ITGB5: variants seen among roughly 807,000 people sequenced by gnomAD.
ITGB5 encodes integrin subunit beta 5.
ITGB5 carries 38 observed loss-of-function variants against 84.8 expected under a neutral mutation model. That is an observed-to-expected ratio of 0.45 (90% CI 0.35 to 0.59). ITGB5 has a LOEUF of 0.59. Ranked by LOEUF, ITGB5 falls within the 20% of genes least tolerant of loss-of-function variation. The probability of loss-of-function intolerance (pLI) is 0.01; values close to 1 mark genes in which losing one functional copy is unlikely to be tolerated. For missense variants in ITGB5, 905 were observed against 1,034.5 expected (o/e 0.87, Z 1.72); for synonymous variants, 393 against 414.4 (o/e 0.95, Z 0.63).
chr3:124,889,294 T>C (rs1350729670), upstream of ITGB5, among the ~76,000 whole-genome samples: 1 of 152,244 alleles, frequency 6.6e-6, no homozygotes, highest in African/African-American at 2.4e-5. Context: ...AGTGGAAGGC[T>C]GATCAAGGAC....
At chr3:124,863,425 C>T (rs1214930851) in intron 2 of ITGB5, 1 of 152,182 alleles carries the variant, frequency 6.6e-6, no homozygotes, top group Non-Finnish European at 1.5e-5. Flanking sequence ...TCTTGTTGCC[C>T]AAGAAAAGGA....
intron 1 of ITGB5, among the ~76,000 whole-genome samples, chr3:124,883,918 G>A (rs1013077449): frequency 7.9e-5 from 12 of 152,206 alleles, no homozygotes; most frequent in South Asian, 4.1e-4. Flanking sequence ...TGGTGGGGAC[G>A]GGAGGGGGTT....
chr3:124,769,188 A>G (rs1579167589), intron 11 of ITGB5, 75 bp from the exon 12 acceptor site: 1 of 1,171,102 alleles, frequency 8.5e-7, no homozygotes, highest in Non-Finnish European at 1.3e-6. Flanking sequence ...AGCTCCTGAC[A>G]GTGCAGGACC....
chr3:124,888,337 A>C (rs1934915985), upstream of ITGB5, among the ~76,000 whole-genome samples: 1 of 152,178 alleles, frequency 6.6e-6, no homozygotes, highest in African/African-American at 2.4e-5. Context: ...TAGACTCAAA[A>C]ACATATGCTC....
At chr3:124,797,296 G>A (rs1413445275) in intron 9 of ITGB5, among the ~76,000 whole-genome samples, 1 of 152,182 alleles carries the variant, frequency 6.6e-6, no homozygotes, top group Non-Finnish European at 1.5e-5. Flanking sequence ...CCGGGTGAAG[G>A]GCACCCACCT....
chr3:124,776,122 G>C (rs887885812), intron 10 of ITGB5, among the ~76,000 whole-genome samples: 1 of 152,160 alleles, frequency 6.6e-6, no homozygotes, highest in Non-Finnish European at 1.5e-5. Context: ...AGATGCGGGC[G>C]TGTGAGGGGT....
At chr3:124,833,104 C>G (rs2064882084) in intron 5 of ITGB5, 1 of 152,118 alleles carries the variant, frequency 6.6e-6, no homozygotes, top group Non-Finnish European at 1.5e-5. Context: ...TTAAAAAAAT[C>G]TGTTCTGTGG....
chr3:124,803,270 A>G (rs1035701219), intron 9 of ITGB5, among the ~76,000 whole-genome samples: 2 of 152,110 alleles, frequency 1.3e-5, no homozygotes, highest in African/African-American at 4.8e-5. Flanking sequence ...GTTACTCCCC[A>G]AAGTGTGTGG....
At chr3:124,819,932 GA>G (rs2064674473) in intron 6 of ITGB5, 98 bp from the exon 7 acceptor site, 1 of 900,500 alleles carries the variant, frequency 1.1e-6, no homozygotes, top group African/African-American at 1.6e-5. Context: ...ATTTGCCAGG[GA>G]AGCACCTTTT....
chr3:124,839,928 G>A (rs2064988872), intron 5 of ITGB5, among the ~76,000 whole-genome samples: 1 of 152,226 alleles, frequency 6.6e-6, no homozygotes, highest in South Asian at 2.1e-4. Flanking sequence ...TTCTCCAGGA[G>A]GGGCCCACAG....
chr3:124,881,929 C>G (rs1334454867), intron 1 of ITGB5, among the ~76,000 whole-genome samples: 1 of 152,154 alleles, frequency 6.6e-6, no homozygotes, highest in Non-Finnish European at 1.5e-5. Flanking sequence ...GATTGCACCA[C>G]TGCACTCCAG....
At chr3:124,885,899 G>A (rs1331281595) in intron 1 of ITGB5, among the ~76,000 whole-genome samples, 1 of 152,236 alleles carries the variant, frequency 6.6e-6, no homozygotes, top group African/African-American at 2.4e-5. Context: ...ACACCGTGGG[G>A]GAACAGTCCT....
intron 5 of ITGB5, among the ~76,000 whole-genome samples, chr3:124,830,174 G>C (rs2064839332): frequency 6.6e-6 from 1 of 152,126 alleles, no homozygotes; most frequent in Admixed American, 6.5e-5. Context: ...GCTTCTTAAG[G>C]CTGAAAGGAG....
intron 9 of ITGB5, among the ~76,000 whole-genome samples, chr3:124,799,361 C>T (rs1362191778): frequency 6.6e-6 from 1 of 152,102 alleles, no homozygotes; most frequent in Non-Finnish European, 1.5e-5. Context: ...GAGTTCGAGA[C>T]CAACCTGGAC....
chr3:124,810,908 T>TCTTCTTTC (rs1553759104), intron 8 of ITGB5, among the ~76,000 whole-genome samples: 4 of 149,952 alleles, frequency 2.7e-5, no homozygotes, highest in African/African-American at 1.0e-4. Context: ...CTCTTGTGGG[T>TCTTCTTTC]TTTCTTTCTT....
intron 5 of ITGB5, 125 bp downstream of exon 5, chr3:124,841,258 G>A: frequency 4.7e-6 from 4 of 851,822 alleles, no homozygotes; most frequent in Non-Finnish European, 7.3e-6. Flanking sequence ...CTCACCCTCT[G>A]ACTTCAGAGT....
At chr3:124,763,920 C>G (rs1221030315) in intron 14 of ITGB5, among the ~76,000 whole-genome samples, 2 of 152,206 alleles carry the variant, frequency 1.3e-5, no homozygotes, top group South Asian at 4.1e-4. Flanking sequence ...TTTCACTATC[C>G]ACCTCTGGAA....
upstream of ITGB5, among the ~76,000 whole-genome samples, chr3:124,888,560 C>T (rs1383660975): frequency 6.6e-6 from 1 of 152,224 alleles, no homozygotes; most frequent in East Asian, 1.9e-4. Flanking sequence ...AGAGAGCACA[C>T]TGCCAGCCAG....
intron 12 of ITGB5, among the ~76,000 whole-genome samples, chr3:124,766,962 C>T (rs2063776707): frequency 6.6e-6 from 1 of 152,240 alleles, no homozygotes; most frequent in African/African-American, 2.4e-5. Flanking sequence ...CGGCCTCCCT[C>T]CTCCATATTA....
Sources: gnomAD v4.1 joint callset for allele counts (sites outside exome capture counted in the v4.1 genomes callset) on GRCh38, gnomAD v4.1.1 for gene constraint, MANE v1.5 for transcripts, NCBI Gene and HGNC (gene_info 2026-07-23, HGNC 2026-07-21) for gene names.